The following APOLD1 variants were observed in gnomAD, a reference collection of about 807,000 sequenced individuals.
APOLD1 encodes apolipoprotein L domain-containing protein 1.
Under a neutral mutation model 15.3 loss-of-function variants are expected in APOLD1, and 22 were observed. The ratio of observed to expected loss-of-function variants is 1.44; its 90% CI spans 1.03 to 2.05. The LOEUF (loss-of-function observed/expected upper bound fraction) is 2.05. Among genes scored for constraint, APOLD1 ranks in the 30% most tolerant of loss-of-function variants. The pLI, the probability that APOLD1 is intolerant of heterozygous loss-of-function variation, is 0.00. For synonymous variants in APOLD1, 190 were observed against 167.4 expected, an observed-to-expected ratio of 1.13 and a Z score of -1.04; for missense variants, 394 against 353.5, an observed-to-expected ratio of 1.11 and a Z score of -0.92.
At chr12:12,725,919 T>G, upstream of APOLD1, 2 of 1,172,870 alleles carry the variant, frequency 1.7e-6, no homozygotes, top group Non-Finnish European at 2.3e-6. Flanking sequence ...CGGTTGACAG[T>G]GTGCAGGCAG....
intron 1 of APOLD1, among the ~76,000 whole-genome samples, chr12:12,731,932 G>T (rs1282505925): frequency 1.3e-5 from 2 of 152,184 alleles, no homozygotes; most frequent in Non-Finnish European, 2.9e-5. Context: ...GTTATCTTTA[G>T]CTTAGTGGCA....
At chr12:12,725,999 G>C (rs1422039063) in exon 1 of APOLD1, 1 of 1,510,478 alleles carries the variant, frequency 6.6e-7, no homozygotes. Context: ...ACTCGTTCAC[G>C]GATGTTCCGC....
In APOLD1 at chr12:12,789,528, G is replaced by C. The variant is rs932038474; in HGVS notation, c.*1876G>C. The stretch of plus-strand genomic sequence containing the variant: ...GGAAAGATAAAAAGTTTAGAGGTAT[G>C]TGAAGGAAGCACTTAGAACTTGCAA... On this transcript the variant is annotated 3_prime_UTR_variant, in exon 2 of 2. Transcript: ENST00000356591. The C allele has an allele frequency of 4.6e-5, 7 of 152,232 alleles. No individual in the cohort carries two copies. Among genetic ancestry groups the C allele is most frequent in the Non-Finnish European group, 8.8e-5 (6 of 68,036 alleles). The allele number at this position is 152,232 out of a possible 1,614,324, so 9.4% of individuals were successfully genotyped here.
chr12:12,758,763 C>T (rs1946877544), intron 1 of APOLD1, among the ~76,000 whole-genome samples: 1 of 152,176 alleles, frequency 6.6e-6, no homozygotes, highest in Non-Finnish European at 1.5e-5. Context: ...TCCTTCTTCA[C>T]AGTGTCACCG....
rs537906551 is a variant in APOLD1 at position 12,736,193 on chromosome 12, T to C, written c.96+10097T>C. 7.1e-4 allele frequency among the ~76,000 whole-genome samples: 108 copies of C among 151,902 alleles called. 1 individual carries two copies. The South Asian group carries it at 0.022, about 31-fold the overall frequency. On this transcript the variant is annotated intron_variant, in intron 1 of 1. Transcript: ENST00000326765. ...GGTGAAACCCCGTCTCTACTAAAAA[T>C]ACAAAAAATTAGGTGAGCGTGGTGG... is the stretch of plus-strand genomic sequence containing the variant.
intron 1 of APOLD1, among the ~76,000 whole-genome samples, chr12:12,778,130 G>T (rs1431476450): frequency 6.6e-6 from 1 of 151,392 alleles, no homozygotes; most frequent in Non-Finnish European, 1.5e-5. Flanking sequence ...ACAAGGTTTT[G>T]CCATGTTCCC....
At chr12:12,726,010 G>A in exon 1 of APOLD1, 3 of 1,518,802 alleles carry the variant, frequency 2.0e-6, no homozygotes, top group Non-Finnish European at 2.7e-6. Flanking sequence ...GATGTTCCGC[G>A]CGCCGTGTCA....
chr12:12,778,480 T>C (rs543771342), intron 1 of APOLD1, among the ~76,000 whole-genome samples: 1 of 139,810 alleles, frequency 7.2e-6, no homozygotes, highest in Non-Finnish European at 1.6e-5. Context: ...CCTCCTCGTG[T>C]GGCTAATTTT....
intron 1 of APOLD1, among the ~76,000 whole-genome samples, chr12:12,777,923 T>TTTTTTTTTTTTTTGTTG (rs1555092183): frequency 2.5e-5 from 3 of 121,572 alleles, no homozygotes; most frequent in Non-Finnish European, 3.4e-5. Flanking sequence ...TTTTTTTTTT[T>TTTTTTTTTTTTTTGTTG]TTGTTGTTGT....
intron 1 of APOLD1, among the ~76,000 whole-genome samples, chr12:12,749,194 C>T (rs1308328536): frequency 6.6e-6 from 1 of 151,896 alleles, no homozygotes; most frequent in Non-Finnish European, 1.5e-5. Context: ...TAGGAATTGG[C>T]TTATTTTATG....
chr12:12,764,735 A>T (rs1304163896), intron 1 of APOLD1: 2 of 503,832 alleles, frequency 4.0e-6, no homozygotes, highest in East Asian at 1.1e-4. Flanking sequence ...TGCCACTCAT[A>T]CACCTTTATG....
At chr12:12,749,992 A>G (rs549328040) in intron 1 of APOLD1, among the ~76,000 whole-genome samples, 5 of 152,176 alleles carry the variant, frequency 3.3e-5, no homozygotes, top group Non-Finnish European at 7.3e-5. Context: ...TTCCAATGAA[A>G]TACAGCTTAA....
upstream of APOLD1, among the ~76,000 whole-genome samples, chr12:12,784,581 T>C (rs1406259941): frequency 2.0e-5 from 3 of 152,188 alleles, no homozygotes; most frequent in Non-Finnish European, 4.4e-5. Flanking sequence ...GATTTAATCA[T>C]GTTCCAGAAT....
At chr12:12,745,031 G>A (rs1250805930) in intron 1 of APOLD1, among the ~76,000 whole-genome samples, 1 of 152,152 alleles carries the variant, frequency 6.6e-6, no homozygotes, top group Non-Finnish European at 1.5e-5. Flanking sequence ...TTTTATGCCT[G>A]TGTGTTAGAG....
chr12:12,730,441 G>A (rs553089823), intron 1 of APOLD1, among the ~76,000 whole-genome samples: 1 of 152,014 alleles, frequency 6.6e-6, no homozygotes, highest in South Asian at 2.1e-4. Context: ...AGCACTTTGG[G>A]AGGCCAGGGC....
In APOLD1 at chr12:12,787,275, G is replaced by C. The variant is rs993386959; in HGVS notation, c.370G>C (p.Ala124Pro). 14 of 1,599,366 alleles carry C rather than the reference G, an allele frequency of 8.8e-6. No individual in the cohort carries two copies. In the South Asian group the frequency reaches 1.6e-4, roughly 18 times the overall value. ...GGAGCTGCGGAGGGTGCAGGAGATC[G>C]CGGCCACCTGCCAGGACCAGATGCG... is the stretch of plus-strand genomic sequence containing the variant. ...SRELRRVQEI[A>P]ATCQDQMREI... Residue 124 changes from alanine to proline, a missense_variant, in exon 2 of 2, where the codon GCG becomes CCG. Physicochemically the swap from Ala to Pro is conservative, Grantham distance 27 (BLOSUM62 -1). Transcript: ENST00000356591. This position sits in a 1 kb window ranked among gnomAD's most constrained non-coding sequence, Gnocchi z 4.9.
Position 12,786,953 on chromosome 12 carries a change from G to T in APOLD1, c.48G>T (p.Ala16=). The T allele has an allele frequency of 6.9e-7, 1 of 1,459,562 alleles. No individual in the cohort carries two copies. The allele number at this position is 1,459,562 out of a possible 1,614,324, so 90.4% of individuals were successfully genotyped here. A position where few individuals can be genotyped will look rare whatever the true frequency, so the allele number is the denominator to read the frequency against. The part of the protein sequence containing the change: ...PAAREPHGPD[A]LRRFQGLLLD... ...CCCGGGAGCCGCATGGGCCCGACGC[G>T]CTGCGGCGCTTCCAGGGACTGCTGC... The change falls in exon 2 of 2, where the codon GCG becomes GCT. Residue 16 remains alanine (A), a synonymous_variant. Transcript: ENST00000356591.
chr12:12,780,846 CCCAAAGTGCT>C (rs1415069807), upstream of APOLD1, among the ~76,000 whole-genome samples: 1 of 150,204 alleles, frequency 6.7e-6, no homozygotes, highest in Non-Finnish European at 1.5e-5. Context: ...ACCTCAGCCT[CCCAAAGTGCT>C]GGGATTGCAG....
At chr12:12,769,613 AC>A (rs764859871) in intron 1 of APOLD1, among the ~76,000 whole-genome samples, 6 of 152,214 alleles carry the variant, frequency 3.9e-5, no homozygotes, top group Non-Finnish European at 5.9e-5. Context: ...AGGAAAAGGA[AC>A]CATCTTGAAA....
Sources: gnomAD v4.1 joint callset for allele counts (sites outside exome capture counted in the v4.1 genomes callset) on GRCh38, gnomAD v4.1.1 for gene constraint, Gnocchi (gnomAD v3.1) non-coding constraint, MANE v1.5 for transcripts, NCBI Gene and HGNC (gene_info 2026-07-23, HGNC 2026-07-21) for gene names.